PAPOLG: variants seen among roughly 807,000 people sequenced by gnomAD.
PAPOLG encodes PAP-gamma.
In PAPOLG, 40 loss-of-function variants were observed where a neutral mutation model predicts 99.0. The observed-to-expected ratio is 0.40, with a 90% CI of 0.31 to 0.53. The LOEUF (loss-of-function observed/expected upper bound fraction) is 0.53. Among genes scored for constraint, PAPOLG ranks in the 20% least tolerant of loss-of-function variants. The pLI, the probability that PAPOLG is intolerant of heterozygous loss-of-function variation, is 0.41. For synonymous variants in PAPOLG, 310 were observed against 299.3 expected (o/e 1.04, Z -0.37); for missense variants, 675 against 884.1 (o/e 0.76, Z 3.00).
At chr2:60,791,673 T>C (rs909153018) in intron 15 of PAPOLG, 88 bp from the exon 16 acceptor site, 2 of 1,481,696 alleles carry the variant, frequency 1.3e-6, no homozygotes, top group Middle Eastern at 5.1e-4. Flanking sequence ...AGTGGGGAGA[T>C]AGTAAAAGTA....
chr2:60,775,286 G>GTTTTGATAAGTAGTATACCTCTTCC (rs1670982990), intron 8 of PAPOLG, among the ~76,000 whole-genome samples, 163 bp downstream of exon 8: 3 of 152,228 alleles, frequency 2.0e-5, no homozygotes, highest in African/African-American at 7.2e-5. Flanking sequence ...TGGTTATGGT[G>GTTTTGATAAGTAGTATACCTCTTCC]TTTTGATAAG....
At chr2:60,770,322 TAGAA>T (rs1017161644) in intron 5 of PAPOLG, 132 bp from the exon 6 acceptor site, 19 of 605,448 alleles carry the variant, frequency 3.1e-5, no homozygotes, top group Non-Finnish European at 5.3e-6. Context: ...TATTGGTAGT[TAGAA>T]AGGATAAAGA....
intron 15 of PAPOLG, among the ~76,000 whole-genome samples, chr2:60,788,020 C>T (rs1398290953): frequency 6.6e-6 from 1 of 150,740 alleles, no homozygotes; most frequent in Non-Finnish European, 1.5e-5. Flanking sequence ...CTGGCCTGGC[C>T]CACAGAGTGA....
intron 17 of PAPOLG, among the ~76,000 whole-genome samples, chr2:60,793,044 C>A (rs1003406850): frequency 1.3e-5 from 2 of 151,244 alleles, no homozygotes; most frequent in African/African-American, 4.9e-5. Flanking sequence ...CTCAAAAAAA[C>A]AAAAACAAAA....
At chr2:60,767,734 T>C (rs1306315332) in intron 3 of PAPOLG, among the ~76,000 whole-genome samples, 2 of 152,224 alleles carry the variant, frequency 1.3e-5, no homozygotes, top group Non-Finnish European at 2.9e-5. Flanking sequence ...AAATTAAACA[T>C]ACCTGTCACA....
At chr2:60,795,189 C>T (rs942917032) in intron 21 of PAPOLG, 169 bp downstream of exon 21, 1 of 664,764 alleles carries the variant, frequency 1.5e-6, no homozygotes, top group Admixed American at 2.4e-5. Context: ...GTATATAGTT[C>T]TGAATGTATG....
chr2:60,793,738 A>T, intron 18 of PAPOLG, 23 bp downstream of exon 18: 1 of 1,585,314 alleles, frequency 6.3e-7, no homozygotes, highest in Non-Finnish European at 8.6e-7. Flanking sequence ...ACTTGTATAT[A>T]TTAATAATTA....
chr2:60,776,754 A>G (rs1354495116), intron 8 of PAPOLG, among the ~76,000 whole-genome samples: 1 of 152,178 alleles, frequency 6.6e-6, no homozygotes, highest in Non-Finnish European at 1.5e-5. Flanking sequence ...CACCAGCTGC[A>G]TTAGCCTCTA....
chr2:60,759,125 G>A (rs1053082437), intron 1 of PAPOLG, among the ~76,000 whole-genome samples: 1 of 152,144 alleles, frequency 6.6e-6, no homozygotes, highest in Non-Finnish European at 1.5e-5. Flanking sequence ...TCCCAGCACC[G>A]TGGGAGGCCG....
intron 12 of PAPOLG, 176 bp from the exon 13 acceptor site, chr2:60,782,980 C>A: frequency 2.1e-6 from 1 of 487,416 alleles, no homozygotes; most frequent in Non-Finnish European, 2.7e-6. Flanking sequence ...TTGTTTTTTA[C>A]TTGTAGGACC....
intron 8 of PAPOLG, among the ~76,000 whole-genome samples, chr2:60,776,548 C>T (rs1351910534): frequency 1.3e-5 from 2 of 151,616 alleles, no homozygotes; most frequent in Non-Finnish European, 2.9e-5. Context: ...CTGCCTCAGC[C>T]TCCCAAGTAG....
At chr2:60,787,116 T>C (rs1671386795) in intron 14 of PAPOLG, 50 bp downstream of exon 14, 4 of 1,414,338 alleles carry the variant, frequency 2.8e-6, no homozygotes, top group Non-Finnish European at 3.8e-6. Flanking sequence ...TGTTATTTGG[T>C]ATATGCATCA....
chr2:60,756,753 G>A (rs1012197396), intron 1 of PAPOLG, among the ~76,000 whole-genome samples: 2 of 152,156 alleles, frequency 1.3e-5, no homozygotes, highest in Non-Finnish European at 2.9e-5. Context: ...AAAAGGATGA[G>A]GAGGGAAAGA....
Position 60,792,150 on chromosome 2 carries a change from C to A in PAPOLG, c.1540C>A (p.Arg514=), listed in dbSNP as rs145884357. 5.9e-4 allele frequency: 931 copies of A among 1,588,322 alleles called. No homozygotes were observed. Among genetic ancestry groups the A allele is most frequent in the Non-Finnish European group, 7.5e-4 (879 of 1,173,318 alleles). ...TCAGCAAAGTCTCTCTGATGTCAAT[C>A]GAAGCTCGGGCGGACTTCAATCCAA... ...KKKQSLSDVN[R]SSGGLQSKRL... The change falls in exon 17 of 22, where the codon CGA becomes AGA. Residue 514 remains arginine (R), a synonymous_variant. Coordinates refer to ENST00000238714, the MANE Select transcript of PAPOLG (RefSeq NM_022894.4).
In PAPOLG at chr2:60,771,512, TC is replaced by T. The variant is rs748179359; in HGVS notation, c.493-5del. The T allele has an allele frequency of 6.4e-7, 1 of 1,572,766 alleles. No individual in the cohort carries two copies. The highest frequency in any genetic ancestry group is 2.3e-5 in the East Asian group (1 of 43,790). ...ATTTTTTTCTCTTTTTTCACATCTT[TC>T]CAAAGATTGATCTAGTCTTTGCAAG... On this transcript the variant is annotated splice_polypyrimidine_tract_variant and splice_region_variant and intron_variant, in intron 6 of 21. Coordinates refer to ENST00000238714, the MANE Select transcript of PAPOLG (RefSeq NM_022894.4).
At position 60,782,170 on chromosome 2, in the gene PAPOLG, A is replaced by G. The variant is rs191713652; in HGVS notation, c.1027+165A>G. ...TTTTTAGTAATGAGTTTTCAAAAGT[A>G]TATGATAATATTAAGGCCAAAAATG... On this transcript the variant is annotated intron_variant, in intron 11 of 21. Transcript: ENST00000238714. Among the ~76,000 whole-genome samples, 243 of 152,322 alleles carry G rather than the reference A, an allele frequency of 1.6e-3. 1 individual carries two copies. Among genetic ancestry groups the G allele is most frequent in the African/African-American group, 5.2e-3 (215 of 41,558 alleles).
At position 60,757,946 on chromosome 2, in the gene PAPOLG, C is replaced by T. The variant is rs562808352; in HGVS notation, c.17+1451C>T. Among the ~76,000 whole-genome samples the T allele has an allele frequency of 3.4e-4, 52 of 152,288 alleles. No individual in the cohort carries two copies. In the South Asian group the frequency reaches 0.011, roughly 31 times the overall value. ...ATACAGGTAAAAAAGTGAGGCCCGTCATCATGGTGTCAGAGCTGAAGTAGT... is the reference window on the plus strand; with the variant it reads ...ATACAGGTAAAAAAGTGAGGCCCGTTATCATGGTGTCAGAGCTGAAGTAGT... On this transcript the variant is annotated intron_variant, in intron 1 of 21. Transcript: ENST00000238714.
rs533911235 is a variant in PAPOLG at position 60,788,841 on chromosome 2, CA to C, written c.1396+1229del. The stretch of plus-strand genomic sequence containing the variant: ...TGAAACCCCATCTCTACAAAAAATA[CA>C]AAAAAAAGTTTGCCAGGTATCGTGC... On this transcript the variant is annotated intron_variant, in intron 15 of 21. Coordinates refer to ENST00000238714, the MANE Select transcript of PAPOLG (RefSeq NM_022894.4). Among the ~76,000 whole-genome samples, 397 of 151,638 alleles carry C rather than the reference CA, an allele frequency of 2.6e-3. 3 individuals are homozygous for C. Among genetic ancestry groups the C allele is most frequent in the African/African-American group, 9.2e-3 (379 of 41,382 alleles).
chr2:60,786,758 G>T (rs1321551291), intron 13 of PAPOLG, among the ~76,000 whole-genome samples, 189 bp from the exon 14 acceptor site: 2 of 152,158 alleles, frequency 1.3e-5, no homozygotes, highest in East Asian at 3.8e-4. Context: ...TTGAACTCCT[G>T]ACCTCAGGCG....
Sources: allele counts gnomAD v4.1 joint callset (sites outside exome capture counted in the v4.1 genomes callset), GRCh38; gene constraint gnomAD v4.1.1; transcripts MANE v1.5; gene names NCBI Gene and HGNC (gene_info 2026-07-23, HGNC 2026-07-21).